CIDEA: variants seen among roughly 807,000 people sequenced by gnomAD.
CIDEA encodes lipid transferase CIDEA.
CIDEA carries 10 observed loss-of-function variants against 18.2 expected under a neutral mutation model. The ratio of observed to expected loss-of-function variants is 0.55; its 90% CI spans 0.34 to 0.93. The LOEUF (loss-of-function observed/expected upper bound fraction) is 0.93, where lower values mean the gene tolerates loss of function less well. CIDEA is among the 40% of genes least tolerant of loss of function. The probability of loss-of-function intolerance (pLI) is 0.02; values close to 1 mark genes in which losing one functional copy is unlikely to be tolerated. For missense variants in CIDEA, 309 were observed against 293.1 expected (o/e 1.05, Z -0.40); for synonymous variants, 128 against 124.8 (o/e 1.03, Z -0.17).
chr18:12,259,123 G>C (rs953070761), intron 1 of CIDEA, among the ~76,000 whole-genome samples: 4 of 152,240 alleles, frequency 2.6e-5, no homozygotes, highest in African/African-American at 7.2e-5. Context: ...GCCCGGCCGG[G>C]CGAGGCTCTG....
intron 3 of CIDEA, among the ~76,000 whole-genome samples, chr18:12,267,207 A>C (rs1912376487): frequency 6.6e-6 from 1 of 152,216 alleles, no homozygotes; most frequent in African/African-American, 2.4e-5. Context: ...GATTCCAACA[A>C]CACCACGTCA....
chr18:12,276,299 C>CT (rs1282738188), intron 4 of CIDEA, among the ~76,000 whole-genome samples: 121 of 145,426 alleles, frequency 8.3e-4, no homozygotes, highest in African/African-American at 2.8e-3. Flanking sequence ...GGCCCTTTTT[C>CT]TTTTTTTTTA....
intron 3 of CIDEA, among the ~76,000 whole-genome samples, 167 bp from the exon 4 acceptor site, chr18:12,273,926 T>A (rs1010553545): frequency 6.6e-6 from 1 of 152,216 alleles, no homozygotes; most frequent in Non-Finnish European, 1.5e-5. Flanking sequence ...AGTCGTAGTG[T>A]GTGCAAATGG....
At chr18:12,255,980 G>A (rs1418764508) in intron 1 of CIDEA, among the ~76,000 whole-genome samples, 1 of 152,162 alleles carries the variant, frequency 6.6e-6, no homozygotes, top group Non-Finnish European at 1.5e-5. Context: ...TGTTGCTGCA[G>A]TTCTTTGAAA....
chr18:12,255,856 T>C (rs1912018220), intron 1 of CIDEA, among the ~76,000 whole-genome samples: 1 of 152,222 alleles, frequency 6.6e-6, no homozygotes, highest in African/African-American at 2.4e-5. Context: ...TGGAAGTGAC[T>C]TGCTTATGAG....
chr18:12,271,505 T>C (rs1311481626), intron 3 of CIDEA, among the ~76,000 whole-genome samples: 1 of 152,132 alleles, frequency 6.6e-6, no homozygotes, highest in African/African-American at 2.4e-5. Flanking sequence ...AGCATTGGTG[T>C]GTGGGTTTCA....
chr18:12,259,199 G>C (rs1176690358), intron 1 of CIDEA, among the ~76,000 whole-genome samples: 1 of 152,208 alleles, frequency 6.6e-6, no homozygotes, highest in Non-Finnish European at 1.5e-5. Context: ...CCCCAACCCA[G>C]CACATTTCCC....
intron 3 of CIDEA, among the ~76,000 whole-genome samples, chr18:12,265,771 C>A (rs918509883): frequency 4.6e-5 from 7 of 152,116 alleles, no homozygotes; most frequent in African/African-American, 1.7e-4. Flanking sequence ...TCATTCGTAA[C>A]GTTCTCACAA....
intron 1 of CIDEA, among the ~76,000 whole-genome samples, chr18:12,256,719 C>G (rs1009727224): frequency 1.4e-4 from 22 of 152,194 alleles, no homozygotes; most frequent in Admixed American, 5.9e-4. Context: ...TATTTCAGTA[C>G]AAATTTCACC....
intron 4 of CIDEA, among the ~76,000 whole-genome samples, chr18:12,275,262 G>A (rs998463968): frequency 1.3e-5 from 2 of 152,244 alleles, no homozygotes; most frequent in African/African-American, 4.8e-5. Flanking sequence ...GGCGGAGGTT[G>A]CAGTGAGCTG....
chr18:12,272,955 C>T (rs1433008219), intron 3 of CIDEA, among the ~76,000 whole-genome samples: 1 of 152,170 alleles, frequency 6.6e-6, no homozygotes, highest in Non-Finnish European at 1.5e-5. Context: ...AAGTCAAAGA[C>T]AAATGCCTGA....
chr18:12,267,712 C>G (rs192032739), intron 3 of CIDEA, among the ~76,000 whole-genome samples: 226 of 152,298 alleles, frequency 1.5e-3, no homozygotes, highest in Middle Eastern at 6.8e-3. Context: ...CCAGGCTGGT[C>G]TTGAACTTCT....
chr18:12,270,627 C>A (rs998043011), intron 3 of CIDEA, among the ~76,000 whole-genome samples: 23 of 131,810 alleles, frequency 1.7e-4, no homozygotes, highest in Non-Finnish European at 3.2e-4. Context: ...GTTGGAGGTG[C>A]AGTGAGCTGA....
At chr18:12,259,667 C>T (rs1912134909) in intron 1 of CIDEA, among the ~76,000 whole-genome samples, 1 of 152,146 alleles carries the variant, frequency 6.6e-6, no homozygotes. Context: ...GGAGACAAGC[C>T]TGAACAACAT....
intron 3 of CIDEA, among the ~76,000 whole-genome samples, chr18:12,272,424 G>T (rs1353265710): frequency 2.6e-5 from 4 of 151,096 alleles, no homozygotes; most frequent in African/African-American, 9.7e-5. Context: ...TGTTGGCCAG[G>T]CTGATCTCAA....
chr18:12,262,761 G>T, intron 1 of CIDEA, 64 bp from the exon 2 acceptor site: 2 of 1,441,122 alleles, frequency 1.4e-6, no homozygotes, highest in Non-Finnish European at 9.6e-7. Context: ...TTATTTTTAT[G>T]TACTTTCACA....
intron 4 of CIDEA, among the ~76,000 whole-genome samples, chr18:12,275,475 C>A (rs1318979770): frequency 6.6e-6 from 1 of 152,248 alleles, no homozygotes; most frequent in South Asian, 2.1e-4. Flanking sequence ...AAAGAACTAA[C>A]CTCTGTGGAG....
chr18:12,255,937 A>G (rs1912020384), intron 1 of CIDEA, among the ~76,000 whole-genome samples: 1 of 152,218 alleles, frequency 6.6e-6, no homozygotes, highest in Non-Finnish European at 1.5e-5. Context: ...GGCTCATCCC[A>G]GGAGTGAATG....
At chr18:12,270,938 G>A (rs1912508411) in intron 3 of CIDEA, among the ~76,000 whole-genome samples, 1 of 84,176 alleles carries the variant, frequency 1.2e-5, no homozygotes, top group South Asian at 3.7e-4. Flanking sequence ...TGCTTTTGTC[G>A]CCCAGGAGGG....
Sources: allele counts gnomAD v4.1 joint callset (sites outside exome capture counted in the v4.1 genomes callset), GRCh38; gene constraint gnomAD v4.1.1; transcripts MANE v1.5; gene names NCBI Gene and HGNC (gene_info 2026-07-23, HGNC 2026-07-21).